Variants in UNC5C observed in about 807,000 individuals in gnomAD.
The protein encoded by UNC5C is unc-5 netrin receptor C.
A neutral mutation model predicts 99.8 loss-of-function variants in UNC5C; 47 were observed. The observed-to-expected ratio is 0.47, with a 90% confidence interval of 0.37 to 0.60. The LOEUF (loss-of-function observed/expected upper bound fraction) is 0.60. UNC5C is among the 20% of genes least tolerant of loss of function. The pLI is 0.00. For missense variants in UNC5C, 1,062 were observed against 1,165.9 expected, an observed-to-expected ratio of 0.91 and a Z score of 1.30; for synonymous variants, 487 against 452.2, an observed-to-expected ratio of 1.08 and a Z score of -0.98.
chr4:95,511,056 A>G (rs1428807153), intron 1 of UNC5C, among the ~76,000 whole-genome samples: 2 of 152,182 alleles, frequency 1.3e-5, no homozygotes, highest in Non-Finnish European at 2.9e-5. Context: ...AGAAAGACAG[A>G]AAGAATAGCT....
chr4:95,394,218 C>G (rs183556622), intron 1 of UNC5C, among the ~76,000 whole-genome samples: 61 of 151,348 alleles, frequency 4.0e-4, no homozygotes, highest in Admixed American at 3.2e-3. Flanking sequence ...TTCTAAATAA[C>G]AGATTTCTAT....
At chr4:95,171,484 C>T (rs1435923506) in intron 14 of UNC5C, among the ~76,000 whole-genome samples, 1 of 150,952 alleles carries the variant, frequency 6.6e-6, no homozygotes, top group Non-Finnish European at 1.5e-5. Context: ...TGAGAATATG[C>T]AGTGTTTGGT....
intron 1 of UNC5C, among the ~76,000 whole-genome samples, chr4:95,340,122 CA>C (rs1402163378): frequency 6.6e-6 from 1 of 151,922 alleles, no homozygotes; most frequent in African/African-American, 2.4e-5. Context: ...ACTTTCATTC[CA>C]CCTAATTCTT....
rs377059965 is a variant in UNC5C, at chr4:95,245,017, C to T, written c.903G>A (p.Gly301=). The change falls in exon 6 of 16, where the codon GGG becomes GGA. Residue 301 remains glycine (G), a synonymous_variant. Transcript: ENST00000453304. ...APLNGGAFCE[G]QSVQKIACTT... ...TACAGGCTATTTTCTGCACACTCTGCCCTTCACAGAAGGCACCCCCATTGA... is the reference window on the plus strand; with the variant it reads ...TACAGGCTATTTTCTGCACACTCTGTCCTTCACAGAAGGCACCCCCATTGA... 62 of 1,613,840 alleles carry T rather than the reference C, an allele frequency of 3.8e-5. No homozygotes were observed. The highest frequency in any genetic ancestry group is 4.8e-5 in the Non-Finnish European group (57 of 1,179,956).
At chr4:95,370,985 G>T (rs1417701254) in intron 1 of UNC5C, among the ~76,000 whole-genome samples, 1 of 152,090 alleles carries the variant, frequency 6.6e-6, no homozygotes, top group African/African-American at 2.4e-5. Context: ...ACATAGCAGG[G>T]TCCTGGGGCC....
At chr4:95,421,588 T>C (rs1167598513) in intron 1 of UNC5C, among the ~76,000 whole-genome samples, 2 of 147,486 alleles carry the variant, frequency 1.4e-5, no homozygotes, top group Non-Finnish European at 3.0e-5. Flanking sequence ...AAAACCAAGA[T>C]TGCTTCATAC....
At chr4:95,379,370 G>A (rs1744993405) in intron 1 of UNC5C, among the ~76,000 whole-genome samples, 1 of 152,190 alleles carries the variant, frequency 6.6e-6, no homozygotes, top group South Asian at 2.1e-4. Context: ...CATGTAGCAA[G>A]CACTCTATCT....
At chr4:95,195,405 A>G (rs1025443232) in intron 12 of UNC5C, among the ~76,000 whole-genome samples, 4 of 152,198 alleles carry the variant, frequency 2.6e-5, no homozygotes, top group African/African-American at 9.7e-5. Context: ...CATGTTGCAC[A>G]TGTGAATATA....
At chr4:95,173,031 G>A (rs1048524377) in intron 14 of UNC5C, among the ~76,000 whole-genome samples, 5 of 151,970 alleles carry the variant, frequency 3.3e-5, no homozygotes, top group Non-Finnish European at 5.9e-5. Flanking sequence ...TCATGATTTG[G>A]CCCTCTGTTT....
chr4:95,204,502 A>C (rs1458253961), intron 11 of UNC5C, among the ~76,000 whole-genome samples: 5 of 152,268 alleles, frequency 3.3e-5, no homozygotes, highest in Non-Finnish European at 5.9e-5. Context: ...GCTATGCAGG[A>C]ATGCAGGCCA....
At chr4:95,519,530 C>A (rs141983956) in intron 1 of UNC5C, among the ~76,000 whole-genome samples, 2,527 of 150,268 alleles carry the variant, frequency 0.017, 66 homozygotes, top group African/African-American at 0.059. Flanking sequence ...CACACATTAG[C>A]ACATTTAAAA....
At chr4:95,271,095 A>T (rs770675166) in intron 4 of UNC5C, among the ~76,000 whole-genome samples, 3 of 152,242 alleles carry the variant, frequency 2.0e-5, no homozygotes, top group African/African-American at 7.2e-5. Flanking sequence ...CCTTTTTTGA[A>T]CAAATGAAGG....
intron 8 of UNC5C, 65 bp from the exon 9 acceptor site, chr4:95,219,378 A>G (rs1738381828): frequency 6.8e-7 from 1 of 1,468,646 alleles, no homozygotes; most frequent in African/African-American, 1.4e-5. Context: ...CATTAGTCAG[A>G]CTCCCCCTCA....
chr4:95,294,230 G>A (rs1579302874), intron 3 of UNC5C, among the ~76,000 whole-genome samples: 1 of 152,120 alleles, frequency 6.6e-6, no homozygotes, highest in Admixed American at 6.5e-5. Context: ...TCTATTGGAC[G>A]CTGCTGTTTT....
intron 1 of UNC5C, among the ~76,000 whole-genome samples, chr4:95,517,673 A>G (rs1212272155): frequency 2.6e-5 from 4 of 152,254 alleles, no homozygotes; most frequent in Non-Finnish European, 5.9e-5. Flanking sequence ...GGCCATGAAA[A>G]GTTGGAATGG....
Position 95,244,961 on chromosome 4 carries a change from G to A in UNC5C, c.943+16C>T. The A allele has an allele frequency of 6.2e-7, 1 of 1,613,252 alleles. No individual in the cohort carries two copies. The highest frequency in any genetic ancestry group is 8.5e-7 in the Non-Finnish European group (1 of 1,179,736). Reference sequence around the variant, plus strand: ...ATAATAGGAGATACTTGGAATGAGAGGACTGGTTTATTTACCTGGGCATAA... The same window carrying A: ...ATAATAGGAGATACTTGGAATGAGAAGACTGGTTTATTTACCTGGGCATAA... On this transcript the variant is annotated intron_variant, in intron 6 of 15. Coordinates refer to ENST00000453304, the MANE Select transcript of UNC5C (RefSeq NM_003728.4).
intron 12 of UNC5C, among the ~76,000 whole-genome samples, chr4:95,191,206 A>G (rs1220250107): frequency 2.6e-5 from 4 of 152,032 alleles, no homozygotes; most frequent in African/African-American, 9.7e-5. Context: ...ACTCTGCATT[A>G]TGTCCGGGTT....
chr4:95,244,509 A>C (rs1739431927), intron 6 of UNC5C, among the ~76,000 whole-genome samples: 1 of 152,226 alleles, frequency 6.6e-6, no homozygotes, highest in Non-Finnish European at 1.5e-5. Flanking sequence ...TGCATTCCTT[A>C]TAATTCATTT....
At chr4:95,459,658 T>C (rs553231554) in intron 1 of UNC5C, among the ~76,000 whole-genome samples, 16 of 152,290 alleles carry the variant, frequency 1.1e-4, no homozygotes, top group South Asian at 6.2e-4. Flanking sequence ...AAGACTGTTT[T>C]ATCAAGGACA....
Sources: allele counts gnomAD v4.1 joint callset (sites outside exome capture counted in the v4.1 genomes callset), GRCh38; gene constraint gnomAD v4.1.1; transcripts MANE v1.5; gene names NCBI Gene and HGNC (gene_info 2026-07-23, HGNC 2026-07-21).